NELL1: variants seen among roughly 807,000 people sequenced by gnomAD.
The protein encoded by NELL1 is protein kinase C-binding protein NELL1.
In NELL1, 76 loss-of-function variants were observed where a neutral mutation model predicts 107.4. That is an observed-to-expected ratio of 0.71 (90% CI 0.59 to 0.86). The LOEUF is 0.86. Ranked by LOEUF, NELL1 falls within the 40% of genes least tolerant of loss-of-function variation. The pLI, the probability that NELL1 is intolerant of heterozygous loss-of-function variation, is 0.00. For synonymous variants in NELL1, 353 were observed against 341.2 expected (o/e 1.03, Z -0.38); for missense variants, 1,024 against 1,005.5 (o/e 1.02, Z -0.25).
intron 15 of NELL1, among the ~76,000 whole-genome samples, chr11:21,407,543 T>C (rs1852265395): frequency 6.6e-6 from 1 of 152,000 alleles, no homozygotes; most frequent in South Asian, 2.1e-4. Context: ...ATTTAGTATA[T>C]GAATTATTTA....
chr11:20,717,191 C>G (rs1364398561), intron 2 of NELL1, among the ~76,000 whole-genome samples: 1 of 152,166 alleles, frequency 6.6e-6, no homozygotes, highest in Admixed American at 6.5e-5. Flanking sequence ...CTCATTAGTC[C>G]AATCCTATGC....
intron 13 of NELL1, among the ~76,000 whole-genome samples, chr11:21,186,415 C>G (rs759481604): frequency 1.5e-4 from 23 of 151,846 alleles, no homozygotes; most frequent in Non-Finnish European, 3.1e-4. Flanking sequence ...TGTTTTTACC[C>G]AGACTCAGAA....
chr11:20,680,839 T>G (rs1261542047), intron 2 of NELL1, among the ~76,000 whole-genome samples: 1 of 152,186 alleles, frequency 6.6e-6, no homozygotes, highest in Admixed American at 6.5e-5. Flanking sequence ...TTTCATTGTG[T>G]CCTCTCTCAG....
intron 13 of NELL1, among the ~76,000 whole-genome samples, chr11:21,177,019 C>T (rs974306000): frequency 1.3e-5 from 2 of 151,552 alleles, no homozygotes; most frequent in Non-Finnish European, 2.9e-5. Context: ...AATGATGTCT[C>T]AATACATGTA....
chr11:20,775,430 G>A (rs1856731486), intron 2 of NELL1, among the ~76,000 whole-genome samples: 2 of 152,146 alleles, frequency 1.3e-5, no homozygotes, highest in African/African-American at 4.8e-5. Flanking sequence ...CCATTGGATA[G>A]CTTCTTGACT....
At chr11:20,889,064 C>T (rs1849565845) in intron 5 of NELL1, among the ~76,000 whole-genome samples, 1 of 152,160 alleles carries the variant, frequency 6.6e-6, no homozygotes, top group East Asian at 1.9e-4. Flanking sequence ...TAGACTTCAT[C>T]TCTTGAAGGG....
intron 14 of NELL1, among the ~76,000 whole-genome samples, chr11:21,301,179 A>G (rs958732061): frequency 6.6e-6 from 1 of 152,166 alleles, no homozygotes; most frequent in African/African-American, 2.4e-5. Context: ...AGTCTTTGCT[A>G]TTGTGAATAG....
At chr11:21,086,445 T>C (rs1230012117) in intron 12 of NELL1, among the ~76,000 whole-genome samples, 1 of 152,184 alleles carries the variant, frequency 6.6e-6, no homozygotes, top group African/African-American at 2.4e-5. Flanking sequence ...GTAGGTAGCA[T>C]TGGTAGAAGT....
At chr11:21,159,823 C>T (rs1287896799) in intron 13 of NELL1, among the ~76,000 whole-genome samples, 1 of 152,190 alleles carries the variant, frequency 6.6e-6, no homozygotes, top group African/African-American at 2.4e-5. Context: ...TATCTGTTCT[C>T]CCCTTGCTTG....
At chr11:20,690,777 G>A (rs935729922) in intron 2 of NELL1, among the ~76,000 whole-genome samples, 5 of 151,442 alleles carry the variant, frequency 3.3e-5, no homozygotes, top group South Asian at 2.1e-4. Context: ...CTCTTTTTTG[G>A]TTCCATATGA....
chr11:20,867,568 T>C (rs187467501), intron 4 of NELL1, among the ~76,000 whole-genome samples: 2 of 152,332 alleles, frequency 1.3e-5, no homozygotes. Flanking sequence ...CTGGGCATCA[T>C]TTGCAAAATG....
chr11:20,692,884 G>T (rs987896090), intron 2 of NELL1, among the ~76,000 whole-genome samples: 4 of 152,022 alleles, frequency 2.6e-5, no homozygotes, highest in African/African-American at 9.7e-5. Flanking sequence ...TTGACAGTGG[G>T]GTGTTAAAGT....
At chr11:21,285,975 A>G (rs1849106364) in intron 14 of NELL1, among the ~76,000 whole-genome samples, 1 of 152,234 alleles carries the variant, frequency 6.6e-6, no homozygotes, top group Admixed American at 6.5e-5. Context: ...CAGTAGTTTT[A>G]TCAGTAGGAA....
intron 2 of NELL1, among the ~76,000 whole-genome samples, chr11:20,721,391 A>G (rs1855385510): frequency 6.6e-6 from 1 of 152,010 alleles, no homozygotes; most frequent in Non-Finnish European, 1.5e-5. Context: ...CTTGCTTGTA[A>G]TACATGTTCA....
intron 5 of NELL1, among the ~76,000 whole-genome samples, chr11:20,895,371 T>A (rs921560141): frequency 6.8e-6 from 1 of 146,124 alleles, no homozygotes; most frequent in Non-Finnish European, 1.5e-5. Context: ...CTTCTCTTCA[T>A]CCTTGCTCCA....
intron 14 of NELL1, among the ~76,000 whole-genome samples, chr11:21,352,243 C>T (rs528859997): frequency 3.9e-5 from 6 of 152,060 alleles, no homozygotes; most frequent in Admixed American, 2.6e-4. Context: ...TTTCCCGTAT[C>T]GCTTACTATA....
intron 3 of NELL1, among the ~76,000 whole-genome samples, chr11:20,840,343 TA>T (rs1437698356): frequency 1.3e-5 from 2 of 152,160 alleles, no homozygotes; most frequent in East Asian, 1.9e-4. Context: ...TATTGATGTA[TA>T]AAAAAAACTA....
At chr11:21,222,862 C>G (rs1014243304) in intron 13 of NELL1, among the ~76,000 whole-genome samples, 1 of 114,522 alleles carries the variant, frequency 8.7e-6, no homozygotes, top group African/African-American at 3.0e-5. Flanking sequence ...TTCAAAGTTC[C>G]TCTTGGTATT....
chr11:21,015,763 G>A, intron 12 of NELL1, among the ~76,000 whole-genome samples: 1 of 151,878 alleles, frequency 6.6e-6, no homozygotes, highest in East Asian at 1.9e-4. Context: ...TCCTTTACAG[G>A]TGTTAACATT....
Sources: allele counts gnomAD v4.1 joint callset (sites outside exome capture counted in the v4.1 genomes callset), GRCh38; gene constraint gnomAD v4.1.1; transcripts MANE v1.5; gene names NCBI Gene and HGNC (gene_info 2026-07-23, HGNC 2026-07-21).